The following PADI1 variants were observed in gnomAD, a reference collection of about 807,000 sequenced individuals.
The protein encoded by PADI1 is protein-arginine deiminase type-1.
PADI1 carries 65 observed loss-of-function variants against 74.8 expected under a neutral mutation model. The observed-to-expected ratio is 0.87, with a 90% CI of 0.71 to 1.07. The LOEUF is 1.07. Among genes scored for constraint, PADI1 ranks in the 50% least tolerant of loss-of-function variants. The probability of loss-of-function intolerance (pLI) is 0.00; values close to 1 mark genes in which losing one functional copy is unlikely to be tolerated. For missense variants in PADI1, 943 were observed against 854.0 expected (o/e 1.10, Z -1.30); for synonymous variants, 371 against 336.2 (o/e 1.10, Z -1.13).
chr1:17,227,827 A>T lies in PADI1; in HGVS notation c.653-798A>T, dbSNP rs143964071. On this transcript the variant is annotated intron_variant, in intron 6 of 15. Transcript: ENST00000375471. ...GGCGTAAGCAAAGTCTCGACAAGTG[A>T]ATGGATAGCCTCTCTTGCCGTGTGC... 4.0e-4 allele frequency among the ~76,000 whole-genome samples: 61 copies of T among 152,362 alleles called. 1 individual carries two copies. Among genetic ancestry groups the T allele is most frequent in the African/African-American group, 1.4e-3 (60 of 41,578 alleles).
chr1:17,243,963 A>T (rs1315582836), intron 15 of PADI1, 47 bp from the exon 16 acceptor site: 3 of 1,358,980 alleles, frequency 2.2e-6, no homozygotes, highest in Non-Finnish European at 3.1e-6. Flanking sequence ...CCAGAAGCAC[A>T]GCACTTATAG....
At chr1:17,206,674 T>C (rs1329001366) in intron 1 of PADI1, among the ~76,000 whole-genome samples, 2 of 129,716 alleles carry the variant, frequency 1.5e-5, no homozygotes, top group African/African-American at 3.5e-5. Context: ...AAGTCTTTTT[T>C]TTCTTTTTCT....
intron 12 of PADI1, 65 bp from the exon 13 acceptor site, chr1:17,238,551 G>A: frequency 1.2e-6 from 1 of 858,356 alleles, no homozygotes; most frequent in Non-Finnish European, 1.7e-6. Flanking sequence ...TGAGTCCTGA[G>A]TCTGGGGTCT....
At chr1:17,220,188 C>T (rs1262120256) in intron 1 of PADI1, among the ~76,000 whole-genome samples, 1 of 152,064 alleles carries the variant, frequency 6.6e-6, no homozygotes, top group Non-Finnish European at 1.5e-5. Flanking sequence ...CCTGCACACT[C>T]CTGCCTCTTC....
chr1:17,228,887 G>C (rs971347604), intron 7 of PADI1, 61 bp from the exon 8 acceptor site: 49 of 1,582,492 alleles, frequency 3.1e-5, no homozygotes, highest in Admixed American at 1.7e-5. Flanking sequence ...TGGGGGCTGG[G>C]GGGGCTTGAG....
At chr1:17,237,161 C>A (rs2072663141) in intron 11 of PADI1, among the ~76,000 whole-genome samples, 153 bp from the exon 12 acceptor site, 1 of 152,272 alleles carries the variant, frequency 6.6e-6, no homozygotes, top group Non-Finnish European at 1.5e-5. Flanking sequence ...ACAGTCCATT[C>A]TCTGCTGTCT....
At position 17,223,621 on chromosome 1, in the gene PADI1, G is replaced by A. The variant is rs534208724; in HGVS notation, c.274G>A (p.Val92Met). The A allele has an allele frequency of 1.2e-6, 2 of 1,613,654 alleles. No homozygotes were observed. Among genetic ancestry groups the A allele is most frequent in the South Asian group, 1.1e-5 (1 of 91,072 alleles). Residue 92 changes from valine (V) to methionine (M), a missense_variant and splice_region_variant, in exon 3 of 16, where the codon GTG becomes ATG. Val to Met is a conservative substitution (Grantham distance 21). Coordinates refer to ENST00000375471, the MANE Select transcript of PADI1 (RefSeq NM_013358.3). ...GCAGGCTTAGGGCTATGTTCTGCAG[G>A]TGAGGGTCTCCTACTTTGGGGAGCA... ...TASKELKDFK[V>M]RVSYFGEQED... is the part of the protein sequence containing the mutation.
At chr1:17,243,122 A>C (rs548783800) in intron 15 of PADI1, among the ~76,000 whole-genome samples, 4 of 152,312 alleles carry the variant, frequency 2.6e-5, no homozygotes, top group Non-Finnish European at 4.4e-5. Context: ...TCTAGAGAGA[A>C]GGTCCGGAGT....
At chr1:17,212,940 C>G (rs1200105162) in intron 1 of PADI1, among the ~76,000 whole-genome samples, 2 of 152,230 alleles carry the variant, frequency 1.3e-5, no homozygotes, top group African/African-American at 2.4e-5. Context: ...CCTAGGCCTC[C>G]CTGGCCTGCT....
intron 11 of PADI1, among the ~76,000 whole-genome samples, chr1:17,234,509 T>C (rs2072580647): frequency 6.6e-6 from 1 of 152,204 alleles, no homozygotes; most frequent in Non-Finnish European, 1.5e-5. Flanking sequence ...TACTACCTAC[T>C]ACATGTCACA....
chr1:17,211,554 G>A lies in PADI1; in HGVS notation c.92+6245G>A, dbSNP rs146677323. The stretch of plus-strand genomic sequence containing the variant: ...TACTATAATCCCCATTTGCAGACAC[G>A]CGGAGACACAGAGAGGTTAAGAGAC... On this transcript the variant is annotated intron_variant, in intron 1 of 15. Coordinates refer to ENST00000375471, the MANE Select transcript of PADI1 (RefSeq NM_013358.3). Among the ~76,000 whole-genome samples, 123 of 152,320 alleles carry A rather than the reference G, an allele frequency of 8.1e-4. 1 individual carries two copies. The highest frequency in any genetic ancestry group is 2.9e-3 in the African/African-American group (120 of 41,574).
intron 10 of PADI1, 119 bp from the exon 11 acceptor site, chr1:17,232,700 G>C: frequency 2.6e-6 from 2 of 781,936 alleles, no homozygotes; most frequent in Non-Finnish European, 3.9e-6. Context: ...CGTTTTTCAG[G>C]TACTAAGAGC....
At chr1:17,240,576 T>G in intron 14 of PADI1, 59 bp from the exon 15 acceptor site, 1 of 1,589,448 alleles carries the variant, frequency 6.3e-7, no homozygotes, top group Non-Finnish European at 8.6e-7. Context: ...GCACAGTAGG[T>G]GCTTGGCCAG....
At position 17,224,688 on chromosome 1, in the gene PADI1, G is replaced by C. The variant is rs116758360; in HGVS notation, c.408+260G>C. ...CTTGTGCCACTTTGAAATTGGGATT[G>C]GTTCTTTTGTTGCTGCCTTTTTTAT... is the stretch of plus-strand genomic sequence containing the variant. On this transcript the variant is annotated intron_variant, in intron 4 of 15. Coordinates refer to ENST00000375471, the MANE Select transcript of PADI1 (RefSeq NM_013358.3). Among the ~76,000 whole-genome samples, 685 of 151,414 alleles carry C rather than the reference G, an allele frequency of 4.5e-3. 3 individuals carry two copies. Among genetic ancestry groups the C allele is most frequent in the Middle Eastern group, 0.01 (3 of 294 alleles).
intron 1 of PADI1, among the ~76,000 whole-genome samples, chr1:17,220,571 T>G (rs1294611599): frequency 6.6e-6 from 1 of 152,084 alleles, no homozygotes; most frequent in Non-Finnish European, 1.5e-5. Flanking sequence ...CAGACAAAAT[T>G]CCTCCAGCAG....
intron 6 of PADI1, among the ~76,000 whole-genome samples, chr1:17,228,116 G>A (rs1053560234): frequency 2.6e-5 from 4 of 152,024 alleles, no homozygotes; most frequent in South Asian, 2.1e-4. Context: ...TCAGCCTCCC[G>A]AGTAGCTGGG....
Position 17,224,503 on chromosome 1 carries a change from C to T in PADI1, c.408+75C>T, listed in dbSNP as rs189390612. On this transcript the variant is annotated intron_variant, in intron 4 of 15. Transcript: ENST00000375471. Reference sequence around the variant, plus strand: ...GGGGTGGTCCCGGGTGGATTGTGCCCTCCCTCCAGAAGAATGATGGATCCC... The same window carrying T: ...GGGGTGGTCCCGGGTGGATTGTGCCTTCCCTCCAGAAGAATGATGGATCCC... 58 of 1,111,248 alleles carry T rather than the reference C, an allele frequency of 5.2e-5. No homozygotes were observed. In the African/African-American group the frequency reaches 8.5e-4, roughly 16 times the overall value. 68.8% of individuals were successfully genotyped at this position (1,111,248 alleles called of 1,614,324 possible).
intron 1 of PADI1, among the ~76,000 whole-genome samples, chr1:17,209,003 G>A (rs748047319): frequency 1.5e-4 from 23 of 152,176 alleles, no homozygotes; most frequent in Non-Finnish European, 1.2e-4. Context: ...ATCAGACAGC[G>A]GTAGAATTGG....
intron 1 of PADI1, among the ~76,000 whole-genome samples, chr1:17,219,551 C>T (rs1420599303): frequency 6.6e-6 from 1 of 152,040 alleles, no homozygotes; most frequent in Non-Finnish European, 1.5e-5. Context: ...GGTCAAGGGA[C>T]TGAGGGACCA....
Sources: allele counts gnomAD v4.1 joint callset (sites outside exome capture counted in the v4.1 genomes callset), GRCh38; gene constraint gnomAD v4.1.1; transcripts MANE v1.5; gene names NCBI Gene and HGNC (gene_info 2026-07-23, HGNC 2026-07-21).